SFMBT2: variants seen among roughly 807,000 people sequenced by gnomAD.
The protein encoded by SFMBT2 is scm-like with four MBT domains protein 2.
In SFMBT2, 38 loss-of-function variants were observed where a neutral mutation model predicts 110.1. The observed-to-expected ratio is 0.35, with a 90% CI of 0.27 to 0.45. SFMBT2 has a LOEUF of 0.45. SFMBT2 is among the 20% of genes least tolerant of loss of function. The pLI, the probability that SFMBT2 is intolerant of heterozygous loss-of-function variation, is 1.00. For missense variants in SFMBT2, 1,011 were observed against 1,094.9 expected, an observed-to-expected ratio of 0.92 and a Z score of 1.08; for synonymous variants, 425 against 425.4, an observed-to-expected ratio of 1.00 and a Z score of 0.01.
chr10:7,225,615 G>A (rs111349706), intron 10 of SFMBT2, among the ~76,000 whole-genome samples: 2,521 of 152,224 alleles, frequency 0.017, 28 homozygotes, highest in Non-Finnish European at 0.023. Flanking sequence ...GAAGCCACCT[G>A]GGAATGTGGT....
At chr10:7,299,301 C>T (rs1842492909) in intron 4 of SFMBT2, among the ~76,000 whole-genome samples, 1 of 152,040 alleles carries the variant, frequency 6.6e-6, no homozygotes. Context: ...AAAGAGGCAA[C>T]CTACAAAATG....
intron 4 of SFMBT2, among the ~76,000 whole-genome samples, chr10:7,328,243 T>A (rs1324952669): frequency 1.3e-5 from 2 of 152,272 alleles, no homozygotes; most frequent in South Asian, 2.1e-4. Context: ...TCTTTGCATC[T>A]GCTTATTTGC....
intron 11 of SFMBT2, among the ~76,000 whole-genome samples, chr10:7,210,092 T>G (rs1588341485): frequency 6.6e-6 from 1 of 151,792 alleles, no homozygotes; most frequent in African/African-American, 2.4e-5. Flanking sequence ...TTTGGAACCT[T>G]AAAGAGTTCT....
chr10:7,235,733 GAAC>G (rs5782958), intron 9 of SFMBT2, among the ~76,000 whole-genome samples: 68,689 of 151,712 alleles, frequency 0.45, 16,395 homozygotes, highest in East Asian at 0.86. Flanking sequence ...GAAATTTACA[GAAC>G]AACAGATAAA....
chr10:7,356,909 A>G (rs1268669439), intron 4 of SFMBT2, among the ~76,000 whole-genome samples: 2 of 152,126 alleles, frequency 1.3e-5, no homozygotes, highest in African/African-American at 2.4e-5. Context: ...AGTGGGTGAA[A>G]TGTCTCTGCC....
chr10:7,211,624 A>C (rs1839352491), intron 11 of SFMBT2, among the ~76,000 whole-genome samples: 1 of 151,916 alleles, frequency 6.6e-6, no homozygotes, highest in Admixed American at 6.6e-5. Context: ...CACCTGCTTT[A>C]ACTGTCTGGA....
At chr10:7,357,734 G>T (rs1390803734) in intron 4 of SFMBT2, among the ~76,000 whole-genome samples, 1 of 152,152 alleles carries the variant, frequency 6.6e-6, no homozygotes, top group Non-Finnish European at 1.5e-5. Flanking sequence ...ACTGAAGGTC[G>T]TACTCACCAA....
intron 4 of SFMBT2, among the ~76,000 whole-genome samples, chr10:7,352,571 G>T (rs910835940): frequency 6.6e-6 from 1 of 152,116 alleles, no homozygotes; most frequent in Non-Finnish European, 1.5e-5. Flanking sequence ...GAAAAGAAAT[G>T]CTATCTCAGA....
chr10:7,365,358 C>T (rs933347468), intron 4 of SFMBT2, among the ~76,000 whole-genome samples: 1 of 152,192 alleles, frequency 6.6e-6, no homozygotes, highest in African/African-American at 2.4e-5. Flanking sequence ...TGTTCTTTTC[C>T]TTGCTATTTC....
chr10:7,203,108 A>C (rs1839012003), intron 12 of SFMBT2: 1 of 985,276 alleles, frequency 1.0e-6, no homozygotes, highest in Non-Finnish European at 1.2e-6. Flanking sequence ...AAATAGACCA[A>C]AGCTTTTGGC....
At chr10:7,196,939 T>C (rs1202054916) in intron 15 of SFMBT2, among the ~76,000 whole-genome samples, 26 of 152,206 alleles carry the variant, frequency 1.7e-4, no homozygotes, top group Admixed American at 1.7e-3. Context: ...CTGCAGGTCG[T>C]CGCCCGAAGG....
chr10:7,227,255 A>G (rs1421092657), intron 10 of SFMBT2, among the ~76,000 whole-genome samples: 1 of 152,220 alleles, frequency 6.6e-6, no homozygotes. Flanking sequence ...AGACTCTCCT[A>G]TCAGTGGGTT....
intron 7 of SFMBT2, among the ~76,000 whole-genome samples, chr10:7,257,874 G>A (rs1337982917): frequency 1.3e-5 from 2 of 152,186 alleles, no homozygotes; most frequent in Non-Finnish European, 2.9e-5. Flanking sequence ...AAATTAAAAT[G>A]TACTTGGTGA....
At chr10:7,348,840 G>T (rs1297062427) in intron 4 of SFMBT2, among the ~76,000 whole-genome samples, 1 of 152,154 alleles carries the variant, frequency 6.6e-6, no homozygotes, top group African/African-American at 2.4e-5. Context: ...TTCAGTTTCC[G>T]TGAATGGCAG....
At chr10:7,219,547 T>C (rs1308618448) in intron 11 of SFMBT2, 2 of 166,740 alleles carry the variant, frequency 1.2e-5, no homozygotes, top group East Asian at 3.8e-4. Context: ...TGAGCACCAA[T>C]TCTATGATTT....
At chr10:7,383,624 C>A (rs756692099) in intron 1 of SFMBT2, among the ~76,000 whole-genome samples, 1 of 152,108 alleles carries the variant, frequency 6.6e-6, no homozygotes, top group Non-Finnish European at 1.5e-5. Context: ...CGGAGTGGGT[C>A]GGCAAACAGC....
At chr10:7,190,563 T>G (rs1049912062) in intron 15 of SFMBT2, among the ~76,000 whole-genome samples, 2 of 152,228 alleles carry the variant, frequency 1.3e-5, no homozygotes, top group African/African-American at 4.8e-5. Context: ...CAACAAGCTC[T>G]CTATAAAACT....
chr10:7,214,735 A>G (rs1161942625), intron 11 of SFMBT2: 1 of 985,368 alleles, frequency 1.0e-6, no homozygotes, highest in East Asian at 1.1e-4. Context: ...AAAGCTGTGC[A>G]CAGCACAGAT....
chr10:7,263,030 G>A (rs559005897), intron 7 of SFMBT2, among the ~76,000 whole-genome samples: 2 of 152,128 alleles, frequency 1.3e-5, no homozygotes, highest in Admixed American at 6.5e-5. Flanking sequence ...GTAAAGAAAC[G>A]GGAATGGCAA....
Sources: gnomAD v4.1 joint callset for allele counts (sites outside exome capture counted in the v4.1 genomes callset) on GRCh38, gnomAD v4.1.1 for gene constraint, MANE v1.5 for transcripts, NCBI Gene and HGNC (gene_info 2026-07-23, HGNC 2026-07-21) for gene names.